Variants in TFDP1 observed in about 807,000 individuals in gnomAD.
The protein encoded by TFDP1 is transcription factor Dp-1.
In TFDP1, 6 loss-of-function variants were observed where a neutral mutation model predicts 48.0. The observed-to-expected ratio is 0.13, with a 90% confidence interval of 0.07 to 0.25. The LOEUF is 0.25. Ranked by LOEUF, TFDP1 falls within the 10% of genes least tolerant of loss-of-function variation. The probability of loss-of-function intolerance (pLI) is 1.00; values close to 1 mark genes in which losing one functional copy is unlikely to be tolerated. For missense variants in TFDP1, 335 were observed against 543.0 expected, an observed-to-expected ratio of 0.62 and a Z score of 3.81; for synonymous variants, 201 against 211.6, an observed-to-expected ratio of 0.95 and a Z score of 0.44.
chr13:113,589,668 G>A (rs1364627178), intron 2 of TFDP1, among the ~76,000 whole-genome samples: 11 of 152,168 alleles, frequency 7.2e-5, no homozygotes, highest in Non-Finnish European at 1.5e-5. Context: ...GGTGGTGCTC[G>A]GAACCGTCCT....
intron 3 of TFDP1, among the ~76,000 whole-genome samples, chr13:113,617,725 G>T (rs1411053384): frequency 6.6e-6 from 1 of 152,178 alleles, no homozygotes; most frequent in Non-Finnish European, 1.5e-5. Context: ...GGCCAGATAA[G>T]CAAACAAAAC....
At chr13:113,621,538 C>G (rs141828744) in intron 3 of TFDP1, among the ~76,000 whole-genome samples, 3 of 152,176 alleles carry the variant, frequency 2.0e-5, no homozygotes, top group Non-Finnish European at 4.4e-5. Flanking sequence ...TCCAATATTA[C>G]AATAATCCTC....
intron 4 of TFDP1, 152 bp from the exon 5 acceptor site, chr13:113,631,471 T>C: frequency 1.1e-6 from 1 of 940,096 alleles, no homozygotes; most frequent in East Asian, 3.0e-5. Flanking sequence ...GACAAAAGCG[T>C]CCACCGCTGG....
In TFDP1 at chr13:113,640,573, G is replaced by A; in HGVS notation, c.*306G>A. On this transcript the variant is annotated 3_prime_UTR_variant, in exon 12 of 12. Coordinates refer to ENST00000375370, the MANE Select transcript of TFDP1 (RefSeq NM_007111.5). The stretch of plus-strand genomic sequence containing the variant: ...TTTGCCCCTGAAAAGTTTTTGCTGA[G>A]TTTGCTGAAGAAATTGTATTTCAAC... 3.4e-6 allele frequency: 1 copy of A among 294,926 alleles called. No homozygotes were observed. The highest frequency in any genetic ancestry group is 6.3e-6 in the Non-Finnish European group (1 of 158,154). 18.3% of individuals were successfully genotyped at this position (294,926 alleles called of 1,614,324 possible).
chr13:113,590,869 G>C (rs2048122263), intron 2 of TFDP1, among the ~76,000 whole-genome samples: 1 of 151,958 alleles, frequency 6.6e-6, no homozygotes, highest in East Asian at 1.9e-4. Flanking sequence ...AATTAGCCAG[G>C]CATGGTGGTG....
In TFDP1 at chr13:113,636,561, C is replaced by G; in HGVS notation, c.867C>G (p.Asn289Lys). The G allele has an allele frequency of 6.2e-7, 1 of 1,614,132 alleles. No individual in the cohort carries two copies. Among genetic ancestry groups the G allele is most frequent in the Non-Finnish European group, 8.5e-7 (1 of 1,180,026 alleles). Residue 289 changes from asparagine to lysine, a missense_variant, in exon 10 of 12, where the codon AAC (asparagine) becomes AAG (lysine). Transcript: ENST00000375370. ...TTGAGTATCTGTTTAATTTTGACAA[C>G]ACATTTGAAATCCACGATGACATAG... ...DKFEYLFNFD[N>K]TFEIHDDIEV... is the part of the protein sequence containing the mutation.
intron 2 of TFDP1, among the ~76,000 whole-genome samples, chr13:113,603,069 C>T (rs1054965447): frequency 2.0e-5 from 3 of 151,782 alleles, no homozygotes; most frequent in African/African-American, 7.3e-5. Context: ...GTCGGATAAG[C>T]CTGGTTTATA....
chr13:113,604,053 T>C (rs550030712), intron 2 of TFDP1, among the ~76,000 whole-genome samples: 37 of 151,872 alleles, frequency 2.4e-4, no homozygotes, highest in Admixed American at 2.1e-3. Flanking sequence ...CCCAGCTACT[T>C]TGGAGGCTGA....
At chr13:113,639,225 T>G (rs868610821) in intron 11 of TFDP1, among the ~76,000 whole-genome samples, 65 of 152,382 alleles carry the variant, frequency 4.3e-4, no homozygotes, top group Non-Finnish European at 5.0e-4. Flanking sequence ...TAATGCTGCT[T>G]CTTCCATGAG....
At chr13:113,605,364 A>C (rs1167130987) in intron 2 of TFDP1, among the ~76,000 whole-genome samples, 1 of 122,914 alleles carries the variant, frequency 8.1e-6, no homozygotes, top group Non-Finnish European at 1.7e-5. Flanking sequence ...GATGAAAAGA[A>C]CCACTTTTTT....
chr13:113,637,931 C>A (rs1197014442), intron 11 of TFDP1, 35 bp downstream of exon 11: 1 of 1,605,650 alleles, frequency 6.2e-7, no homozygotes, highest in South Asian at 1.1e-5. Flanking sequence ...GAGGCGTCAT[C>A]TGGGCCTCCC....
chr13:113,597,191 T>C (rs537573408), intron 2 of TFDP1, among the ~76,000 whole-genome samples: 1 of 152,366 alleles, frequency 6.6e-6, no homozygotes, highest in East Asian at 1.9e-4. Context: ...GAAATGGAAA[T>C]TCTTTCTAAA....
intron 9 of TFDP1, 48 bp from the exon 10 acceptor site, chr13:113,636,486 G>T: frequency 6.3e-7 from 1 of 1,599,074 alleles, no homozygotes; most frequent in Non-Finnish European, 8.5e-7. Context: ...AGTGTGTACC[G>T]TCTCCGCTGG....
chr13:113,617,838 A>G (rs957298628), intron 3 of TFDP1, among the ~76,000 whole-genome samples: 1 of 152,270 alleles, frequency 6.6e-6, no homozygotes, highest in African/African-American at 2.4e-5. Context: ...GTATGGTTTC[A>G]TAATTTATCT....
At chr13:113,588,316 AGG>A (rs1028564810) in intron 2 of TFDP1, among the ~76,000 whole-genome samples, 1 of 152,200 alleles carries the variant, frequency 6.6e-6, no homozygotes, top group Non-Finnish European at 1.5e-5. Flanking sequence ...CACAGGATGC[AGG>A]GAGCTGGAGC....
intron 11 of TFDP1, among the ~76,000 whole-genome samples, chr13:113,638,239 C>T (rs1245985726): frequency 2.0e-5 from 3 of 152,152 alleles, no homozygotes; most frequent in Non-Finnish European, 4.4e-5. Context: ...TTTCAGAACG[C>T]GTCTGCGGTC....
intron 2 of TFDP1, among the ~76,000 whole-genome samples, chr13:113,594,494 A>AGCCCTGCCCAGGTGACAGGTG (rs1566636581): frequency 1.6e-5 from 1 of 61,192 alleles, no homozygotes; most frequent in African/African-American, 4.1e-5. Context: ...GGTGACAGGT[A>AGCCCTGCCCAGGTGACAGGTG]TGGTGTGCGC....
chr13:113,625,320 TTCTCAGGCGTCTC>T (rs2049117905), intron 4 of TFDP1, among the ~76,000 whole-genome samples: 1 of 78,882 alleles, frequency 1.3e-5, no homozygotes, highest in Non-Finnish European at 2.3e-5. Flanking sequence ...CCTCACGTGT[TTCTCAGGCGTCTC>T]TCACGTGTCC....
chr13:113,607,253 C>T lies in TFDP1; in HGVS notation c.13-3743C>T, dbSNP rs1223255230. 1.3e-5 allele frequency among the ~76,000 whole-genome samples: 2 copies of T among 152,244 alleles called. No individual in the cohort carries two copies. The highest frequency in any genetic ancestry group is 2.9e-5 in the Non-Finnish European group (2 of 68,040). Reference sequence around the variant, plus strand: ...ATCCCCCTGCCTCCTGAGCCCAGAGCTTCTCCAGGAGAAAGCTGAGGAAAG... The same window carrying T: ...ATCCCCCTGCCTCCTGAGCCCAGAGTTTCTCCAGGAGAAAGCTGAGGAAAG... On this transcript the variant is annotated intron_variant, in intron 2 of 11. Transcript: ENST00000375370. The surrounding 1 kb of genome is among the most constrained non-coding windows in gnomAD (Gnocchi z 5.2).
Sources: gnomAD v4.1 joint callset for allele counts (sites outside exome capture counted in the v4.1 genomes callset) on GRCh38, gnomAD v4.1.1 for gene constraint, Gnocchi (gnomAD v3.1) non-coding constraint, MANE v1.5 for transcripts, NCBI Gene and HGNC (gene_info 2026-07-23, HGNC 2026-07-21) for gene names.